ROBO2: variants seen among roughly 807,000 people sequenced by gnomAD.
ROBO2 encodes the protein roundabout guidance receptor 2, also known as roundabout homolog 2.
In ROBO2, 53 loss-of-function variants were observed where a neutral mutation model predicts 160.8. The observed-to-expected ratio is 0.33, with a 90% CI of 0.26 to 0.41. The LOEUF (loss-of-function observed/expected upper bound fraction) is 0.41. Among genes scored for constraint, ROBO2 ranks in the 10% least tolerant of loss-of-function variants. The pLI, the probability that ROBO2 is intolerant of heterozygous loss-of-function variation, is 1.00. For synonymous variants in ROBO2, 664 were observed against 611.7 expected, an observed-to-expected ratio of 1.09 and a Z score of -1.26; for missense variants, 1,577 against 1,722.4, an observed-to-expected ratio of 0.92 and a Z score of 1.49.
intron 2 of ROBO2, among the ~76,000 whole-genome samples, chr3:77,382,413 T>C (rs564665772): frequency 1.6e-3 from 244 of 152,134 alleles, no homozygotes; most frequent in African/African-American, 5.6e-3. Context: ...CTTTTTCTTC[T>C]TCTTTTTTGT....
intron 2 of ROBO2, among the ~76,000 whole-genome samples, chr3:76,137,822 TTC>T (rs1473553660): frequency 5.3e-5 from 8 of 152,100 alleles, no homozygotes; most frequent in African/African-American, 1.9e-4. Context: ...TCTCTAATTC[TTC>T]TGTTTTATAT....
intron 2 of ROBO2, among the ~76,000 whole-genome samples, chr3:77,005,249 G>A (rs1372768082): frequency 6.6e-6 from 1 of 152,138 alleles, no homozygotes; most frequent in Non-Finnish European, 1.5e-5. Context: ...TTAAGTATCT[G>A]AAAACACAGT....
chr3:76,254,365 G>T (rs1422847194), intron 2 of ROBO2, among the ~76,000 whole-genome samples: 1 of 151,998 alleles, frequency 6.6e-6, no homozygotes, highest in Non-Finnish European at 1.5e-5. Context: ...AAAGCTATTT[G>T]ATTTCTTGTT....
At chr3:77,086,732 A>C (rs1055965103) in intron 1 of ROBO2, among the ~76,000 whole-genome samples, 5 of 152,130 alleles carry the variant, frequency 3.3e-5, no homozygotes, top group African/African-American at 1.2e-4. Context: ...GACATGATGC[A>C]ACTAACGCGT....
chr3:77,112,721 A>T (rs574961243), intron 2 of ROBO2, among the ~76,000 whole-genome samples: 1 of 152,342 alleles, frequency 6.6e-6, no homozygotes, highest in South Asian at 2.1e-4. Flanking sequence ...AAAGAAAAGG[A>T]TCAGTGGATA....
chr3:76,551,859 T>A (rs1445303988), intron 2 of ROBO2, among the ~76,000 whole-genome samples: 1 of 152,110 alleles, frequency 6.6e-6, no homozygotes, highest in African/African-American at 2.4e-5. Flanking sequence ...CTGTGTGCAG[T>A]GTCTGGACCC....
In ROBO2 at chr3:76,125,284, T is replaced by G. The variant is rs113007562; in HGVS notation, c.109+187682T>G. On this transcript the variant is annotated intron_variant, in intron 2 of 26. Transcript: ENST00000487694. Reference sequence around the variant, plus strand: ...TGGGTTGATTCCATGTCCTTGCTATTGTGGGTAGCACAACAGTGAACACAT... The same window carrying G: ...TGGGTTGATTCCATGTCCTTGCTATGGTGGGTAGCACAACAGTGAACACAT... 3.7e-3 allele frequency among the ~76,000 whole-genome samples: 559 copies of G among 152,294 alleles called. 3 individuals carry two copies. Among genetic ancestry groups the G allele is most frequent in the African/African-American group, 0.013 (544 of 41,588 alleles).
chr3:77,187,275 G>C (rs1401461896), intron 2 of ROBO2, among the ~76,000 whole-genome samples: 1 of 151,896 alleles, frequency 6.6e-6, no homozygotes, highest in Non-Finnish European at 1.5e-5. Context: ...TCAGCAAAGT[G>C]CAAACTATTA....
At chr3:76,240,133 ACTTT>A (rs961641194) in intron 2 of ROBO2, among the ~76,000 whole-genome samples, 9 of 152,092 alleles carry the variant, frequency 5.9e-5, no homozygotes, top group Non-Finnish European at 8.8e-5. Flanking sequence ...CTAGAGCTGT[ACTTT>A]CTTTATTATT....
intron 2 of ROBO2, among the ~76,000 whole-genome samples, chr3:76,241,302 C>T (rs527275672): frequency 6.6e-6 from 1 of 151,888 alleles, no homozygotes; most frequent in Non-Finnish European, 1.5e-5. Flanking sequence ...AGCACATTAA[C>T]AAAGAAAGAC....
chr3:77,219,894 A>T (rs768878988), intron 2 of ROBO2, among the ~76,000 whole-genome samples: 12 of 151,104 alleles, frequency 7.9e-5, no homozygotes, highest in Non-Finnish European at 1.2e-4. Context: ...GAATTTCTTT[A>T]AGACAAAGTT....
intron 2 of ROBO2, among the ~76,000 whole-genome samples, chr3:76,701,923 C>T (rs550537636): frequency 1.1e-4 from 17 of 151,310 alleles, no homozygotes; most frequent in South Asian, 4.2e-4. Flanking sequence ...TTAGAAATGC[C>T]GCTCTTCATT....
At chr3:77,410,531 C>CTCCTCCTCTTCTTCCTCCTCTTCT (rs1190874497) in intron 2 of ROBO2, among the ~76,000 whole-genome samples, 1 of 116,956 alleles carries the variant, frequency 8.6e-6, no homozygotes, top group Non-Finnish European at 1.9e-5. Flanking sequence ...CCTCCTCTTC[C>CTCCTCCTCTTCTTCCTCCTCTTCT]TCCTCCTCTT....
intron 2 of ROBO2, among the ~76,000 whole-genome samples, chr3:76,123,479 G>A (rs2070836325): frequency 6.6e-6 from 1 of 152,084 alleles, no homozygotes; most frequent in African/African-American, 2.4e-5. Flanking sequence ...AATAAGTTGA[G>A]CGACTTCATG....
chr3:75,912,714 A>G (rs1271857048), intron 1 of ROBO2, among the ~76,000 whole-genome samples: 1 of 152,214 alleles, frequency 6.6e-6, no homozygotes, highest in East Asian at 1.9e-4. Context: ...TTTCATCTCT[A>G]AGTTATACAT....
At chr3:76,184,542 G>GAGATAGATAGATAGATAGAT (rs78271272) in intron 2 of ROBO2, among the ~76,000 whole-genome samples, 1 of 146,284 alleles carries the variant, frequency 6.8e-6, no homozygotes, top group Non-Finnish European at 1.5e-5. Flanking sequence ...GAACAAATAG[G>GAGATAGATAGATAGATAGAT]AGATAGATAG....
chr3:77,255,070 T>C (rs938793664), intron 2 of ROBO2, among the ~76,000 whole-genome samples: 2 of 152,166 alleles, frequency 1.3e-5, no homozygotes, highest in African/African-American at 2.4e-5. Flanking sequence ...TCCAAAGATA[T>C]AGGAAAGTAA....
chr3:76,810,344 A>G (rs761214394), intron 2 of ROBO2, among the ~76,000 whole-genome samples: 5 of 152,166 alleles, frequency 3.3e-5, no homozygotes, highest in African/African-American at 4.8e-5. Context: ...GATTATTTAT[A>G]GCGTCAAATG....
intron 2 of ROBO2, among the ~76,000 whole-genome samples, chr3:76,373,053 G>A (rs2076180134): frequency 6.6e-6 from 1 of 151,946 alleles, no homozygotes; most frequent in Non-Finnish European, 1.5e-5. Flanking sequence ...AAAGAAAACT[G>A]TTTCTAATTT....
Sources: gnomAD v4.1 joint callset for allele counts (sites outside exome capture counted in the v4.1 genomes callset) on GRCh38, gnomAD v4.1.1 for gene constraint, MANE v1.5 for transcripts, NCBI Gene and HGNC (gene_info 2026-07-23, HGNC 2026-07-21) for gene names.